Variants in DZIP3 observed in about 807,000 individuals in gnomAD.
DZIP3 encodes E3 ubiquitin-protein ligase DZIP3.
Under a neutral mutation model 162.0 loss-of-function variants are expected in DZIP3, and 118 were observed. That is an observed-to-expected ratio of 0.73 (90% CI 0.63 to 0.85). DZIP3 has a LOEUF of 0.85. DZIP3 is among the 40% of genes least tolerant of loss of function. The pLI is 0.00. For missense variants in DZIP3, 1,331 were observed against 1,407.0 expected, an observed-to-expected ratio of 0.95 and a Z score of 0.86; for synonymous variants, 438 against 458.6, an observed-to-expected ratio of 0.96 and a Z score of 0.57.
chr3:108,648,979 G>A lies in DZIP3; in HGVS notation c.2007+17G>A. 3 of 1,132,902 alleles carry A rather than the reference G, an allele frequency of 2.6e-6. No homozygotes were observed. Among genetic ancestry groups the A allele is most frequent in the Non-Finnish European group, 3.5e-6 (3 of 850,694 alleles). 70.2% of individuals were successfully genotyped at this position (1,132,902 alleles called of 1,614,324 possible). A position where few individuals can be genotyped will look rare whatever the true frequency, so the allele number is the denominator to read the frequency against. On this transcript the variant is annotated intron_variant, in intron 17 of 32. Coordinates refer to ENST00000361582, the MANE Select transcript of DZIP3 (RefSeq NM_014648.4). Reference sequence around the variant, plus strand: ...AATAAAAAGGTAAGAGACTATAATAGCATTATAATACTGATTATGAACACT... The same window carrying A: ...AATAAAAAGGTAAGAGACTATAATAACATTATAATACTGATTATGAACACT...
intron 2 of DZIP3, 77 bp downstream of exon 2, chr3:108,605,515 G>GT (rs1940299255): frequency 6.7e-7 from 1 of 1,482,330 alleles, no homozygotes; most frequent in African/African-American, 1.4e-5. Context: ...GATGGTGGGG[G>GT]TGCGGGGAAT....
Position 108,644,510 on chromosome 3 carries a change from C to G in DZIP3, c.1488C>G (p.Ile496Met). Reference protein sequence around the residue: ...GWNMEPPSSDISKSADILRLC... With the variant: ...GWNMEPPSSDMSKSADILRLC... ...ATATGGAACCGCCATCTTCTGACAT[C>G]TCTAAATCTGCAGACATCCTGAGAC... Residue 496 changes from isoleucine to methionine, a missense_variant, in exon 14 of 33, where the codon ATC becomes ATG. Transcript: ENST00000361582. The G allele has an allele frequency of 6.2e-7, 1 of 1,614,130 alleles. No individual in the cohort carries two copies. Among genetic ancestry groups the G allele is most frequent in the Non-Finnish European group, 8.5e-7 (1 of 1,179,990 alleles).
chr3:108,680,683 C>G (rs1249075040), intron 26 of DZIP3, among the ~76,000 whole-genome samples: 1 of 151,896 alleles, frequency 6.6e-6, no homozygotes, highest in Non-Finnish European at 1.5e-5. Context: ...AAGAAGAATT[C>G]AAGGAAATGC....
chr3:108,691,954 G>A (rs1944713122), intron 32 of DZIP3, among the ~76,000 whole-genome samples: 2 of 151,876 alleles, frequency 1.3e-5, no homozygotes, highest in African/African-American at 2.4e-5. Context: ...AGGTATATAA[G>A]CCCCAAATTC....
At position 108,634,954 on chromosome 3, in the gene DZIP3, T is replaced by C. The variant is rs1237563354; in HGVS notation, c.900T>C (p.Tyr300=). ...GGAAAAAGTTCAAGAATTTAAAGTA[T>C]CCAGGTGAAAATGATCAGGTATTAT... ...ICWKKFKNLK[Y]PGENDQSFSG... is the part of the protein sequence containing the mutation. Residue 300 remains tyrosine, a synonymous_variant, in exon 10 of 33, where the codon TAT becomes TAC. Coordinates refer to ENST00000361582, the MANE Select transcript of DZIP3 (RefSeq NM_014648.4). The C allele has an allele frequency of 6.2e-7, 1 of 1,604,288 alleles. No homozygotes were observed.
intron 4 of DZIP3, among the ~76,000 whole-genome samples, chr3:108,612,673 C>CT (rs1435303007): frequency 6.6e-6 from 1 of 152,088 alleles, no homozygotes; most frequent in East Asian, 1.9e-4. Context: ...TACACCATCT[C>CT]TAGATTACAT....
At chr3:108,628,981 A>T in intron 7 of DZIP3, 81 bp from the exon 8 acceptor site, 2 of 812,780 alleles carry the variant, frequency 2.5e-6, no homozygotes, top group East Asian at 2.8e-5. Flanking sequence ...CCACAAAAAA[A>T]GGGTTATTTG....
At chr3:108,688,473 C>A in intron 29 of DZIP3, 120 bp from the exon 30 acceptor site, 2 of 1,162,248 alleles carry the variant, frequency 1.7e-6, no homozygotes, top group Non-Finnish European at 2.4e-6. Context: ...CAAGATTTCT[C>A]ACAAATCTGA....
chr3:108,648,438 A>G (rs1171360808), intron 16 of DZIP3: 1 of 183,856 alleles, frequency 5.4e-6, no homozygotes, highest in African/African-American at 2.3e-5. Context: ...TAAAATAGAG[A>G]GGAAAGAAAG....
rs575024941 is a variant in DZIP3, at chr3:108,675,643, A to G, written c.2694-143A>G. ...GTAACAAACCTGTCCATACCTCTTT[A>G]TGTCCATTTGAAGTAATTGTTGGTG... is the stretch of plus-strand genomic sequence containing the variant. On this transcript the variant is annotated intron_variant, in intron 24 of 32. Transcript: ENST00000361582. 4.0e-4 allele frequency: 222 copies of G among 556,112 alleles called. 2 individuals are homozygous for G. In the South Asian group the frequency reaches 5.2e-3, roughly 13 times the overall value. 34.4% of individuals were successfully genotyped at this position (556,112 alleles called of 1,614,324 possible). A position where few individuals can be genotyped will look rare whatever the true frequency, so the allele number is the denominator to read the frequency against.
At chr3:108,673,163 TTTATAC>T (rs1943986425) in intron 23 of DZIP3, among the ~76,000 whole-genome samples, 2 of 151,946 alleles carry the variant, frequency 1.3e-5, no homozygotes, top group African/African-American at 4.8e-5. Context: ...GTAATTTTTA[TTTATAC>T]ATAACAAAAC....
chr3:108,598,613 C>T (rs768552429), intron 1 of DZIP3, among the ~76,000 whole-genome samples: 2 of 152,172 alleles, frequency 1.3e-5, no homozygotes, highest in African/African-American at 2.4e-5. Flanking sequence ...GTGGATAGGG[C>T]AAGCTTTCAT....
chr3:108,676,618 A>G (rs890253391), intron 25 of DZIP3, among the ~76,000 whole-genome samples: 4 of 152,078 alleles, frequency 2.6e-5, no homozygotes, highest in East Asian at 3.9e-4. Context: ...CAGCAAAAAA[A>G]AAAGCATTGT....
At chr3:108,686,843 T>A (rs1024463289) in intron 28 of DZIP3, among the ~76,000 whole-genome samples, 2 of 152,188 alleles carry the variant, frequency 1.3e-5, no homozygotes, top group Non-Finnish European at 2.9e-5. Flanking sequence ...TTACTAAAAG[T>A]ACAACTAGAT....
chr3:108,622,589 C>T (rs1941403720), intron 5 of DZIP3, among the ~76,000 whole-genome samples: 1 of 152,090 alleles, frequency 6.6e-6, no homozygotes, highest in East Asian at 1.9e-4. Flanking sequence ...ACTGTATGGC[C>T]TTGTTTTGTA....
At chr3:108,590,152 T>C (rs1939303584) in intron 1 of DZIP3, 1 of 152,220 alleles carries the variant, frequency 6.6e-6, no homozygotes, top group African/African-American at 2.4e-5. Context: ...TAATTCTCGA[T>C]GTCTACGAAA....
At chr3:108,664,071 C>G (rs1943566883) in intron 21 of DZIP3, among the ~76,000 whole-genome samples, 1 of 152,166 alleles carries the variant, frequency 6.6e-6, no homozygotes, top group Admixed American at 6.5e-5. Context: ...TAGGAACACT[C>G]TAGAAGACGG....
chr3:108,629,635 C>A (rs1192790472), intron 8 of DZIP3, among the ~76,000 whole-genome samples: 1 of 152,144 alleles, frequency 6.6e-6, no homozygotes, highest in South Asian at 2.1e-4. Flanking sequence ...CACACACACA[C>A]ACATATAAAC....
At chr3:108,657,262 G>A (rs1943176117) in intron 19 of DZIP3, among the ~76,000 whole-genome samples, 1 of 152,130 alleles carries the variant, frequency 6.6e-6, no homozygotes, top group African/African-American at 2.4e-5. Flanking sequence ...CCCACAAAGG[G>A]AAGCCCATCA....
Sources: gnomAD v4.1 joint callset for allele counts (sites outside exome capture counted in the v4.1 genomes callset) on GRCh38, gnomAD v4.1.1 for gene constraint, MANE v1.5 for transcripts, NCBI Gene and HGNC (gene_info 2026-07-23, HGNC 2026-07-21) for gene names.